The following HYCC2 variants were observed in gnomAD, a reference collection of about 807,000 sequenced individuals.
The protein encoded by HYCC2 is hyccin 2.
At chr2:201,057,278 C>A in the HYCC2 span, among the ~76,000 whole-genome samples, 1 of 152,180 alleles carries the variant, frequency 6.6e-6, no homozygotes, top group Non-Finnish European at 1.5e-5. Context: ...ATTTGTCTAT[C>A]CTCTTTAAGT....
At chr2:201,019,906 C>A in the HYCC2 span, among the ~76,000 whole-genome samples, 1 of 151,780 alleles carries the variant, frequency 6.6e-6, no homozygotes, top group South Asian at 2.1e-4. Context: ...CCTTGAACAC[C>A]GTGAGACTCT....
chr2:201,003,106 G>T, the HYCC2 span, among the ~76,000 whole-genome samples: 2 of 151,894 alleles, frequency 1.3e-5, no homozygotes, highest in Non-Finnish European at 2.9e-5. Flanking sequence ...TCGCTTTGTT[G>T]CCCAGGTTGG....
At chr2:200,989,675 G>A in the HYCC2 span, among the ~76,000 whole-genome samples, 11 of 151,900 alleles carry the variant, frequency 7.2e-5, no homozygotes, top group Middle Eastern at 3.4e-3. Context: ...TTTGCTGGGT[G>A]TGCTGGTATG....
the HYCC2 span, among the ~76,000 whole-genome samples, chr2:200,989,716 G>A: frequency 3.3e-5 from 5 of 152,136 alleles, no homozygotes; most frequent in East Asian, 9.7e-4. Context: ...CAGGAGGCTG[G>A]GGCAGGAGGA....
chr2:201,035,850 AGTTTGCCGGAGGTCCACTCCAGACCCT>A, the HYCC2 span, among the ~76,000 whole-genome samples: 1 of 151,938 alleles, frequency 6.6e-6, no homozygotes, highest in African/African-American at 2.4e-5. Context: ...GGTCTGTTGG[AGTTTGCCGGAGGTCCACTCCAGACCCT>A]GTTTGCCTGG....
At chr2:201,046,146 AT>A in the HYCC2 span, among the ~76,000 whole-genome samples, 5 of 152,158 alleles carry the variant, frequency 3.3e-5, no homozygotes, top group East Asian at 5.8e-4. Flanking sequence ...CTCTTACTGA[AT>A]TTTTGGCAGA....
the HYCC2 span, among the ~76,000 whole-genome samples, chr2:201,028,153 C>T: frequency 1.4e-4 from 22 of 152,154 alleles, no homozygotes; most frequent in Non-Finnish European, 3.2e-4. Flanking sequence ...AAATCATAAG[C>T]ATTCCTGTAC....
chr2:201,047,341 G>C, the HYCC2 span, among the ~76,000 whole-genome samples: 1 of 151,592 alleles, frequency 6.6e-6, no homozygotes, highest in East Asian at 1.9e-4. Context: ...ATGGAAGAGA[G>C]AGGAAGGGGA....
the HYCC2 span, among the ~76,000 whole-genome samples, chr2:201,064,563 G>C: frequency 3.3e-5 from 5 of 152,086 alleles, no homozygotes; most frequent in African/African-American, 1.2e-4. Flanking sequence ...GATAGTTACT[G>C]TTGTGACCTG....
chr2:201,019,480 T>TTTG, the HYCC2 span, among the ~76,000 whole-genome samples: 64 of 152,232 alleles, frequency 4.2e-4, 1 homozygote, highest in East Asian at 9.1e-3. Context: ...TGGTCAGGTG[T>TTTG]GGTAGCTCAC....
chr2:200,992,258 A>G, the HYCC2 span: 1 of 1,392,502 alleles, frequency 7.2e-7, no homozygotes, highest in Admixed American at 1.7e-5. Context: ...TATATTTAAT[A>G]AAGAGTTAAG....
At chr2:200,977,274 C>G in the HYCC2 span, 4 of 152,154 alleles carry the variant, frequency 2.6e-5, no homozygotes, top group African/African-American at 9.7e-5. Context: ...ACTGCCTCCC[C>G]AAACCCATGG....
the HYCC2 span, among the ~76,000 whole-genome samples, chr2:201,002,528 TC>T: frequency 1.3e-5 from 2 of 151,468 alleles, no homozygotes; most frequent in Non-Finnish European, 2.9e-5. Context: ...AAGCAGAGAT[TC>T]TTTTTTTTTT....
At chr2:200,992,580 G>T in the HYCC2 span, among the ~76,000 whole-genome samples, 3 of 152,086 alleles carry the variant, frequency 2.0e-5, no homozygotes, top group Non-Finnish European at 2.9e-5. Context: ...ACATAAATTG[G>T]TTTTTATTAC....
chr2:201,046,423 T>G, the HYCC2 span, among the ~76,000 whole-genome samples: 1 of 151,786 alleles, frequency 6.6e-6, no homozygotes, highest in South Asian at 2.1e-4. Context: ...GGTTCTGCAG[T>G]GGGGGGGAAG....
chr2:200,977,241 T>A, the HYCC2 span: 2 of 152,144 alleles, frequency 1.3e-5, no homozygotes, highest in Non-Finnish European at 2.9e-5. Flanking sequence ...ATAAAGAAAC[T>A]GCAAAAATGG....
At chr2:201,048,904 G>A in the HYCC2 span, among the ~76,000 whole-genome samples, 2 of 151,954 alleles carry the variant, frequency 1.3e-5, no homozygotes, top group Non-Finnish European at 2.9e-5. Context: ...TTGAGCTCAG[G>A]AGTTCAAGAC....
At chr2:200,988,186 C>G in the HYCC2 span, 1 of 1,258,824 alleles carries the variant, frequency 7.9e-7, no homozygotes, top group African/African-American at 1.5e-5. Context: ...TTTAATATCA[C>G]GTGCTAAGAC....
At chr2:201,070,927 A>G in the HYCC2 span, among the ~76,000 whole-genome samples, 1 of 152,194 alleles carries the variant, frequency 6.6e-6, no homozygotes, top group Admixed American at 6.5e-5. Context: ...GTATCTGTCA[A>G]GTCCATAATT....
Sources: gnomAD v4.1 joint callset for allele counts (sites outside exome capture counted in the v4.1 genomes callset) on GRCh38, gnomAD v4.1.1 for gene constraint, MANE v1.5 for transcripts, NCBI Gene and HGNC (gene_info 2026-07-23, HGNC 2026-07-21) for gene names.